The following CIC variants were observed in gnomAD, a reference collection of about 807,000 sequenced individuals.
CIC encodes the protein capicua transcriptional repressor.
A neutral mutation model predicts 115.7 loss-of-function variants in CIC; 18 were observed. The ratio of observed to expected loss-of-function variants is 0.16; its 90% CI spans 0.11 to 0.23. The LOEUF is 0.23. Ranked by LOEUF, CIC falls within the 10% of genes least tolerant of loss-of-function variation. The pLI is 1.00. For synonymous variants in CIC, 1,076 were observed against 923.0 expected, an observed-to-expected ratio of 1.17 and a Z score of -3.01; for missense variants, 2,000 against 2,159.3, an observed-to-expected ratio of 0.93 and a Z score of 1.46.
chr19:42,291,396 C>T lies in CIC; in HGVS notation c.5355C>T (p.Val1785=). Reference sequence around the variant, plus strand: ...CGGGCACTTCCACCAACGGCAAAGTCCTGGCTGCCACTGCACCCACTCCTG... The same window carrying T: ...CGGGCACTTCCACCAACGGCAAAGTTCTGGCTGCCACTGCACCCACTCCTG... ...LPPGTSTNGK[V]LAATAPTPGI... Residue 1785 remains valine (V), a synonymous_variant, in exon 11 of 21, where the codon GTC becomes GTT. Transcript: ENST00000681038. 1.2e-6 allele frequency: 2 copies of T among 1,612,560 alleles called. No homozygotes were observed. Among genetic ancestry groups the T allele is most frequent in the Non-Finnish European group, 1.7e-6 (2 of 1,179,746 alleles).
At chr19:42,291,809 C>T (rs552745987) in intron 12 of CIC, 64 bp downstream of exon 12, 22 of 1,588,842 alleles carry the variant, frequency 1.4e-5, no homozygotes, top group Admixed American at 1.3e-4. Context: ...ATTTCTTTGT[C>T]TTTTTTTTCA....
At chr19:42,291,958 C>T in intron 12 of CIC, 128 bp from the exon 13 acceptor site, 1 of 1,428,898 alleles carries the variant, frequency 7.0e-7, no homozygotes, top group African/African-American at 1.4e-5. Context: ...GTCATCTTGC[C>T]CATCCTGTTC....
chr19:42,273,797 G>A lies in CIC; in HGVS notation c.2014G>A (p.Val672Met), dbSNP rs565063109. 23 of 398,728 alleles carry A rather than the reference G, an allele frequency of 5.8e-5. No homozygotes were observed. The highest frequency in any genetic ancestry group is 5.7e-4 in the Admixed American group (13 of 22,734). 24.7% of individuals were successfully genotyped at this position (398,728 alleles called of 1,614,324 possible). The change falls in exon 2 of 21, where the codon GTG becomes ATG. Residue 672 changes from valine to methionine, a missense_variant. Val to Met is a conservative substitution (Grantham distance 21, BLOSUM62 1). Around this residue, in one of 8 missense-constraint regions of CIC, gnomAD observed 222 missense variants for 247.7 expected, o/e 0.90. Coordinates refer to ENST00000681038, the MANE Select transcript of CIC (RefSeq NM_001386298.1). ...HLSASTPKAG[V>M]LTPPDLGPHP... Reference sequence around the variant, plus strand: ...GAGCGCCAGCACCCCTAAGGCAGGCGTGCTGACGCCACCAGACCTGGGCCC... The same window carrying A: ...GAGCGCCAGCACCCCTAAGGCAGGCATGCTGACGCCACCAGACCTGGGCCC...
At chr19:42,284,557 AGGGGGGCGGCGGG>A in intron 2 of CIC, 1 of 139,184 alleles carries the variant, frequency 7.2e-6, no homozygotes, top group Non-Finnish European at 1.1e-5. Flanking sequence ...GGGCGGCCGG[AGGGGGGCGGCGGG>A]GGGGGGGGCA....
Position 42,289,415 on chromosome 19 carries a change from T to C in CIC, c.4087+9T>C, listed in dbSNP as rs1159511721. The C allele has an allele frequency of 2.6e-6, 4 of 1,563,558 alleles. No homozygotes were observed. Among genetic ancestry groups the C allele is most frequent in the African/African-American group, 2.7e-5 (2 of 73,512 alleles). The stretch of plus-strand genomic sequence containing the variant: ...GGATGATGATGTCATTGGTGAGCAT[T>C]GCAGGGCCCAGAATCTTGCCCAGGA... On this transcript the variant is annotated intron_variant, in intron 9 of 20. Transcript: ENST00000681038.
intron 2 of CIC, among the ~76,000 whole-genome samples, chr19:42,281,776 C>G (rs796096949): frequency 5.9e-5 from 9 of 152,352 alleles, no homozygotes; most frequent in African/African-American, 2.2e-4. Context: ...TACCCTGCCC[C>G]GGACGGGGCC....
chr19:42,295,395 A>G lies in CIC; in HGVS notation c.*204A>G. On this transcript the variant is annotated 3_prime_UTR_variant, in exon 21 of 21. Coordinates refer to ENST00000681038, the MANE Select transcript of CIC (RefSeq NM_001386298.1). ...GGGGCAGCTGAGGGGCTGCAGGGGC[A>G]GTCTCCCTCCTCCAAGCCCCTGTAC... The G allele has an allele frequency of 1.7e-6, 1 of 582,888 alleles. No individual in the cohort carries two copies. The highest frequency in any genetic ancestry group is 3.0e-6 in the Non-Finnish European group (1 of 328,922). The allele number at this position is 582,888 out of a possible 1,614,324, so 36.1% of individuals were successfully genotyped here. A position where few individuals can be genotyped will look rare whatever the true frequency, so the allele number is the denominator to read the frequency against.
intron 2 of CIC, among the ~76,000 whole-genome samples, chr19:42,279,217 A>C (rs1254422459): frequency 1.3e-5 from 2 of 152,134 alleles, no homozygotes; most frequent in Non-Finnish European, 2.9e-5. Flanking sequence ...TGCCCACCAT[A>C]ATTTCCATTT....
intron 9 of CIC, 112 bp downstream of exon 9, chr19:42,289,518 GTTTAT>G: frequency 8.0e-7 from 1 of 1,242,670 alleles, no homozygotes; most frequent in East Asian, 2.5e-5. Context: ...TTTCCACTTG[GTTTAT>G]GGTTGCATGT....
chr19:42,287,151 G>C lies in CIC; in HGVS notation c.3090G>C (p.Lys1030Asn), dbSNP rs764814362. Residue 1030 changes from lysine to asparagine, a missense_variant, in exon 4 of 21, where the codon AAG becomes AAC. Around this residue, in one of 8 missense-constraint regions of CIC, gnomAD observed 222 missense variants for 247.7 expected, o/e 0.90. Coordinates refer to ENST00000681038, the MANE Select transcript of CIC (RefSeq NM_001386298.1). This position sits in a 1 kb window ranked among gnomAD's most constrained non-coding sequence, Gnocchi z 8.7. Reference sequence around the variant, plus strand: ...CTTTGGGGGTGGTGGAATCTGGTAAGGGTCCGCCTCCCACCACGGAGGAGG... The same window carrying C: ...CTTTGGGGGTGGTGGAATCTGGTAACGGTCCGCCTCCCACCACGGAGGAGG... ...PHPLGVVESG[K>N]GPPPTTEEEA... 1.2e-6 allele frequency: 2 copies of C among 1,613,536 alleles called. No individual in the cohort carries two copies. The highest frequency in any genetic ancestry group is 1.7e-6 in the Non-Finnish European group (2 of 1,179,898).
intron 2 of CIC, among the ~76,000 whole-genome samples, chr19:42,284,985 A>G (rs2037526995): frequency 6.6e-6 from 1 of 152,058 alleles, no homozygotes. Context: ...CTGTGATGTT[A>G]AAGTGATGGG....
At chr19:42,294,550 C>T (rs1188860433) in intron 19 of CIC, 54 bp from the exon 20 acceptor site, 2 of 1,609,492 alleles carry the variant, frequency 1.2e-6, no homozygotes, top group Admixed American at 1.7e-5. Context: ...CAGACGGTGG[C>T]AGGAAGGCCC....
In CIC at chr19:42,288,960, C is replaced by T. The variant is rs200388659; in HGVS notation, c.3731C>T (p.Ser1244Phe). Residue 1244 changes from serine (S) to phenylalanine (F), a missense_variant, in exon 8 of 21, where the codon TCC becomes TTC. Physicochemically the swap from Ser to Phe is radical, Grantham distance 155 (BLOSUM62 -2). Transcript: ENST00000681038. ...SSDTKAPGSS[S>F]CGAERLHTVG... Reference sequence around the variant, plus strand: ...GACACCAAGGCTCCGGGGAGCAGCTCCTGTGGGGCAGAACGGCTACACACA... The same window carrying T: ...GACACCAAGGCTCCGGGGAGCAGCTTCTGTGGGGCAGAACGGCTACACACA... 2.5e-6 allele frequency: 4 copies of T among 1,614,098 alleles called. No individual in the cohort carries two copies. Among genetic ancestry groups the T allele is most frequent in the Non-Finnish European group, 2.5e-6 (3 of 1,180,042 alleles).
At chr19:42,284,907 CTCGG>C in intron 2 of CIC, 1 of 815,840 alleles carries the variant, frequency 1.2e-6, no homozygotes, top group Non-Finnish European at 2.0e-6. Flanking sequence ...AGTTACGGAG[CTCGG>C]CCGGGCCGAG....
rs543303793 is a variant in CIC, at chr19:42,273,504, C to T, written c.1721C>T (p.Ala574Val). 7.5e-6 allele frequency: 3 copies of T among 398,460 alleles called. No homozygotes were observed. The highest frequency in any genetic ancestry group is 3.6e-5 in the East Asian group (1 of 28,048). The allele number at this position is 398,460 out of a possible 1,614,324, so 24.7% of individuals were successfully genotyped here. Residue 574 changes from alanine to valine, a missense_variant, in exon 2 of 21, where the codon GCG becomes GTG. Transcript: ENST00000681038. ...TSRDSEASSV[A>V]ARGDSRPRLV... The stretch of plus-strand genomic sequence containing the variant: ...AGGGACAGTGAGGCCAGCAGTGTGG[C>T]GGCTCGTGGAGACTCACGGCCACGC...
rs370290934 is a variant in CIC at position 42,294,814 on chromosome 19, C to G, written c.7187-10C>G. 164 of 1,604,200 alleles carry G rather than the reference C, an allele frequency of 1.0e-4. 1 individual carries two copies. Among genetic ancestry groups the G allele is most frequent in the Non-Finnish European group, 1.3e-4 (159 of 1,179,966 alleles). On this transcript the variant is annotated splice_polypyrimidine_tract_variant and intron_variant, in intron 20 of 20. Coordinates refer to ENST00000681038, the MANE Select transcript of CIC (RefSeq NM_001386298.1). ...TCATCCTGTGCTCCCCACCGTTTTTCTATCTCCAGCCCAGGCCACAGCCGC... is the reference window on the plus strand; with the variant it reads ...TCATCCTGTGCTCCCCACCGTTTTTGTATCTCCAGCCCAGGCCACAGCCGC...
At position 42,293,505 on chromosome 19, in the gene CIC, C is replaced by T. The variant is rs189835179; in HGVS notation, c.6523-87C>T. The T allele has an allele frequency of 5.7e-5, 91 of 1,597,928 alleles. No individual in the cohort carries two copies. The Middle Eastern group carries it at 6.4e-4, about 11-fold the overall frequency. ...CAGCCTTCTCAAGGGGTCTGCTGGG[C>T]GGGCTCAGATCCAACTCTTTGTTTC... On this transcript the variant is annotated intron_variant, in intron 16 of 20. Coordinates refer to ENST00000681038, the MANE Select transcript of CIC (RefSeq NM_001386298.1).
chr19:42,281,776 C>T (rs796096949), intron 2 of CIC, among the ~76,000 whole-genome samples: 9 of 152,232 alleles, frequency 5.9e-5, no homozygotes, highest in Admixed American at 5.2e-4. Context: ...TACCCTGCCC[C>T]GGACGGGGCC....
chr19:42,293,078 G>A lies in CIC; in HGVS notation c.6319G>A (p.Gly2107Arg). 6.2e-7 allele frequency: 1 copy of A among 1,611,048 alleles called. No individual in the cohort carries two copies. Among genetic ancestry groups the A allele is most frequent in the South Asian group, 1.1e-5 (1 of 90,926 alleles). ...PVGSFEAGAS[G>R]RPGPAPRQPL... ...GGGGTCCTTTGAGGCAGGTGCCTCT[G>A]GGCGGCCTGGCCCTGCACCCCGGCA... Residue 2107 changes from glycine to arginine, a missense_variant, in exon 16 of 21, where the codon GGG becomes AGG. Physicochemically the swap from Gly to Arg is moderately radical, Grantham distance 125 (BLOSUM62 -2). Around this residue, in one of 8 missense-constraint regions of CIC, gnomAD observed 1,466 missense variants for 1,390.4 expected, o/e 1.05. Transcript: ENST00000681038.
Sources: allele counts gnomAD v4.1 joint callset (sites outside exome capture counted in the v4.1 genomes callset), GRCh38; gene constraint gnomAD v4.1.1; regional missense constraint gnomAD v4.1.1; non-coding constraint Gnocchi (gnomAD v3.1); transcripts MANE v1.5; gene names NCBI Gene and HGNC (gene_info 2026-07-23, HGNC 2026-07-21).